The following SOX11 variants were observed in gnomAD, a reference collection of about 807,000 sequenced individuals.
SOX11 encodes the protein transcription factor SOX-11.
A neutral mutation model predicts 16.7 loss-of-function variants in SOX11; 5 were observed. The observed-to-expected ratio is 0.30, with a 90% CI of 0.16 to 0.63. The LOEUF is 0.63. Ranked by LOEUF, SOX11 falls within the 20% of genes least tolerant of loss-of-function variation. The pLI is 0.82. For synonymous variants in SOX11, 363 were observed against 298.8 expected (o/e 1.21, Z -2.22); for missense variants, 492 against 641.5 (o/e 0.77, Z 2.52).
chr2:5,697,904 A>G lies in SOX11; in HGVS notation c.*3857A>G, dbSNP rs1665770396. On this transcript the variant is annotated 3_prime_UTR_variant, in exon 1 of 1. Coordinates refer to ENST00000322002, the MANE Select transcript of SOX11 (RefSeq NM_003108.4). ...TGATCTATGTATTTTGAAAGCCTGA[A>G]AACTTGGCATGTCTTTTCTGTTTTA... is the stretch of plus-strand genomic sequence containing the variant. The G allele has an allele frequency of 6.0e-6, 1 of 167,116 alleles. No individual in the cohort carries two copies. The highest frequency in any genetic ancestry group is 2.1e-4 in the South Asian group (1 of 4,828). 10.4% of individuals were successfully genotyped at this position (167,116 alleles called of 1,614,324 possible).
chr2:5,693,645 C>T lies in SOX11; in HGVS notation c.924C>T (p.Gly308=). 1.9e-6 allele frequency: 3 copies of T among 1,587,502 alleles called. No individual in the cohort carries two copies. Among genetic ancestry groups the T allele is most frequent in the South Asian group, 1.1e-5 (1 of 89,584 alleles). ...RAGATSGAGG[G]SRLYYSFKNI... ...GCGCGACCTCGGGCGCCGGGGGCGG[C>T]AGCCGCCTCTACTACAGCTTCAAGA... is the stretch of plus-strand genomic sequence containing the variant. Residue 308 remains glycine (G), a synonymous_variant, in exon 1 of 1, where the codon GGC becomes GGT. Transcript: ENST00000322002. The surrounding 1 kb of genome is among the most constrained non-coding windows in gnomAD (Gnocchi z 8.6).
chr2:5,693,181 G>A lies in SOX11; in HGVS notation c.460G>A (p.Ala154Thr). 1 of 1,551,132 alleles carries A rather than the reference G, an allele frequency of 6.4e-7. No individual in the cohort carries two copies. The highest frequency in any genetic ancestry group is 8.7e-7 in the Non-Finnish European group (1 of 1,151,486). The change falls in exon 1 of 1, where the codon GCG becomes ACG. Residue 154 changes from alanine to threonine, a missense_variant. By Grantham distance (58) the Ala-to-Thr change is moderately conservative. Coordinates refer to ENST00000322002, the MANE Select transcript of SOX11 (RefSeq NM_003108.4). This position sits in a 1 kb window ranked among gnomAD's most constrained non-coding sequence, Gnocchi z 8.6. The stretch of plus-strand genomic sequence containing the variant: ...CGGCGGCGGGAGCGCGGGCGGAGGC[G>A]CGGGCGGTGCCAAGACCTCCAAGGG... ...GGGGGSAGGG[A>T]GGAKTSKGSS...
Position 5,697,483 on chromosome 2 carries a change from A to G in SOX11, c.*3436A>G, listed in dbSNP as rs1165402527. 4 of 47,622 alleles carry G rather than the reference A, an allele frequency of 8.4e-5. No individual in the cohort carries two copies. The highest frequency in any genetic ancestry group is 4.0e-4 in the African/African-American group (4 of 9,914). The allele number at this position is 47,622 out of a possible 1,614,324, so 2.9% of individuals were successfully genotyped here. ...CCCCGACTGAGAACTCGGGCCTCTC[A>G]CCCGCCCCCCAGCCTCCCGCTCTGG... On this transcript the variant is annotated 3_prime_UTR_variant, in exon 1 of 1. Coordinates refer to ENST00000322002, the MANE Select transcript of SOX11 (RefSeq NM_003108.4).
rs915099973 is a variant in SOX11, at chr2:5,698,688, T to C, written c.*4641T>C. ...TCCTTTAGCTAGAGAAAGAAATCATTACAACTCTTTTGGGCAGAGATGTTT... is the reference window on the plus strand; with the variant it reads ...TCCTTTAGCTAGAGAAAGAAATCATCACAACTCTTTTGGGCAGAGATGTTT... On this transcript the variant is annotated 3_prime_UTR_variant, in exon 1 of 1. Transcript: ENST00000322002. 6.0e-6 allele frequency: 1 copy of C among 167,154 alleles called. No individual in the cohort carries two copies. Among genetic ancestry groups the C allele is most frequent in the Non-Finnish European group, 1.5e-5 (1 of 68,134 alleles). 10.4% of individuals were successfully genotyped at this position (167,154 alleles called of 1,614,324 possible). A position where few individuals can be genotyped will look rare whatever the true frequency, so the allele number is the denominator to read the frequency against.
In SOX11 at chr2:5,694,226, C is replaced by A; in HGVS notation, c.*179C>A. 1.3e-6 allele frequency: 1 copy of A among 795,534 alleles called. No individual in the cohort carries two copies. 49.3% of individuals were successfully genotyped at this position (795,534 alleles called of 1,614,324 possible). ...ATGATATTGATAAGATGTCGTGACG[C>A]AAAGAAATTGGAAAACATGATGAAA... On this transcript the variant is annotated 3_prime_UTR_variant, in exon 1 of 1. Coordinates refer to ENST00000322002, the MANE Select transcript of SOX11 (RefSeq NM_003108.4).
In SOX11 at chr2:5,696,793, G is replaced by T; in HGVS notation, c.*2746G>T. Reference sequence around the variant, plus strand: ...CGGGGAGCAGGCGGCTGCCGCACCCGCGCACCCCGGGCCCTCACCACGCCC... The same window carrying T: ...CGGGGAGCAGGCGGCTGCCGCACCCTCGCACCCCGGGCCCTCACCACGCCC... On this transcript the variant is annotated 3_prime_UTR_variant, in exon 1 of 1. Transcript: ENST00000322002. 6.5e-6 allele frequency: 1 copy of T among 153,298 alleles called. No homozygotes were observed. 9.5% of individuals were successfully genotyped at this position (153,298 alleles called of 1,614,324 possible). A position where few individuals can be genotyped will look rare whatever the true frequency, so the allele number is the denominator to read the frequency against.
rs1665736606 is a variant in SOX11 at position 5,696,756 on chromosome 2, A to G, written c.*2709A>G. 6.6e-6 allele frequency: 1 copy of G among 151,964 alleles called. No homozygotes were observed. The highest frequency in any genetic ancestry group is 1.5e-5 in the Non-Finnish European group (1 of 67,872). 9.4% of individuals were successfully genotyped at this position (151,964 alleles called of 1,614,324 possible). ...GCCTCGGGGCTGCGGGGTGAGAGGA[A>G]GAAAGCAAACCCGGGGAGCAGGCGG... is the stretch of plus-strand genomic sequence containing the variant. On this transcript the variant is annotated 3_prime_UTR_variant, in exon 1 of 1. Transcript: ENST00000322002.
chr2:5,697,189 G>A lies in SOX11; in HGVS notation c.*3142G>A, dbSNP rs1477695529. The A allele has an allele frequency of 6.0e-6, 1 of 166,408 alleles. No individual in the cohort carries two copies. Among genetic ancestry groups the A allele is most frequent in the African/African-American group, 2.4e-5 (1 of 41,464 alleles). The allele number at this position is 166,408 out of a possible 1,614,324, so 10.3% of individuals were successfully genotyped here. ...CTCGGGGCCCAGCGTGCCAGCCCCG[G>A]AGTTCAGCCTCCCGAGCTGCGGCGC... On this transcript the variant is annotated 3_prime_UTR_variant, in exon 1 of 1. Coordinates refer to ENST00000322002, the MANE Select transcript of SOX11 (RefSeq NM_003108.4).
chr2:5,693,521 T>A lies in SOX11; in HGVS notation c.800T>A (p.Leu267Gln), dbSNP rs762321557. Residue 267 changes from leucine (L) to glutamine (Q), a missense_variant, in exon 1 of 1, where the codon CTG becomes CAG. Coordinates refer to ENST00000322002, the MANE Select transcript of SOX11 (RefSeq NM_003108.4). This position sits in a 1 kb window ranked among gnomAD's most constrained non-coding sequence, Gnocchi z 8.6. ...QPPGQQPSQL[L>Q]RRYNVAKVPA... ...CCGGGGCAGCAGCCGTCGCAGCTGC[T>A]GAGACGCTACAACGTCGCCAAAGTG... The A allele has an allele frequency of 6.4e-7, 1 of 1,573,114 alleles. No homozygotes were observed. The highest frequency in any genetic ancestry group is 8.6e-7 in the Non-Finnish European group (1 of 1,166,890).
rs1300906999 is a variant in SOX11, at chr2:5,697,324, G to A, written c.*3277G>A. On this transcript the variant is annotated 3_prime_UTR_variant, in exon 1 of 1. Coordinates refer to ENST00000322002, the MANE Select transcript of SOX11 (RefSeq NM_003108.4). ...AGGTTTGGCCTTCCATTTTTACTGAGATTTGGCGAGACCGAATGGAAGCGT... is the reference window on the plus strand; with the variant it reads ...AGGTTTGGCCTTCCATTTTTACTGAAATTTGGCGAGACCGAATGGAAGCGT... 1 of 167,098 alleles carries A rather than the reference G, an allele frequency of 6.0e-6. No individual in the cohort carries two copies. The highest frequency in any genetic ancestry group is 1.5e-5 in the Non-Finnish European group (1 of 68,160). The allele number at this position is 167,098 out of a possible 1,614,324, so 10.4% of individuals were successfully genotyped here.
rs1665706128 is a variant in SOX11 at position 5,695,121 on chromosome 2, G to A, written c.*1074G>A. ...TTTTTTTTCCTCTGTTTTTTAGCAT[G>A]CAAGTATGTTGGTACGTTATGTCCT... On this transcript the variant is annotated 3_prime_UTR_variant, in exon 1 of 1. Coordinates refer to ENST00000322002, the MANE Select transcript of SOX11 (RefSeq NM_003108.4). 6.0e-6 allele frequency: 1 copy of A among 165,880 alleles called. No individual in the cohort carries two copies. The highest frequency in any genetic ancestry group is 1.5e-5 in the Non-Finnish European group (1 of 67,920). 10.3% of individuals were successfully genotyped at this position (165,880 alleles called of 1,614,324 possible).
In SOX11 at chr2:5,697,669, C is replaced by T. The variant is rs1026285569; in HGVS notation, c.*3622C>T. 3.0e-5 allele frequency: 5 copies of T among 167,136 alleles called. No individual in the cohort carries two copies. The highest frequency in any genetic ancestry group is 6.5e-5 in the Admixed American group (1 of 15,294). 10.4% of individuals were successfully genotyped at this position (167,136 alleles called of 1,614,324 possible). ...GGGCTGATGGCGTTAACCAGGTTCT[C>T]AATATAGAACTGGATTTCTGGAGTT... On this transcript the variant is annotated 3_prime_UTR_variant, in exon 1 of 1. Transcript: ENST00000322002.
Position 5,698,011 on chromosome 2 carries a change from TG to T in SOX11, c.*3967del, listed in dbSNP as rs771500020. 5.8e-4 allele frequency: 95 copies of T among 163,386 alleles called. No individual in the cohort carries two copies. The highest frequency in any genetic ancestry group is 9.0e-4 in the Admixed American group (13 of 14,482). 10.1% of individuals were successfully genotyped at this position (163,386 alleles called of 1,614,324 possible). On this transcript the variant is annotated 3_prime_UTR_variant, in exon 1 of 1. Coordinates refer to ENST00000322002, the MANE Select transcript of SOX11 (RefSeq NM_003108.4). Reference sequence around the variant, plus strand: ...GTAAAGTAATAATTTGGCTTCAGAATGGGAAGAGATAGTCAAGATTTTTTTT... The same window carrying T: ...GTAAAGTAATAATTTGGCTTCAGAATGGAAGAGATAGTCAAGATTTTTTTT...
Position 5,694,138 on chromosome 2 carries a change from A to G in SOX11, c.*91A>G, listed in dbSNP as rs1009181530. ...AGTGGTGATGATGATGATGATAATGATGATGATGATGGTGGTGTTGATGGT... is the reference window on the plus strand; with the variant it reads ...AGTGGTGATGATGATGATGATAATGGTGATGATGATGGTGGTGTTGATGGT... On this transcript the variant is annotated 3_prime_UTR_variant, in exon 1 of 1. Coordinates refer to ENST00000322002, the MANE Select transcript of SOX11 (RefSeq NM_003108.4). The G allele has an allele frequency of 8.9e-5, 128 of 1,434,908 alleles. No homozygotes were observed. The highest frequency in any genetic ancestry group is 1.1e-4 in the Non-Finnish European group (123 of 1,079,944). 88.9% of individuals were successfully genotyped at this position (1,434,908 alleles called of 1,614,324 possible). A position where few individuals can be genotyped will look rare whatever the true frequency, so the allele number is the denominator to read the frequency against.
rs1011663858 is a variant in SOX11, at chr2:5,698,126, C to G, written c.*4079C>G. ...AAAACCTGTTAGAACTCAGGACAGGCGCTTCAATGCGCTTTTTAACAATAT... is the reference window on the plus strand; with the variant it reads ...AAAACCTGTTAGAACTCAGGACAGGGGCTTCAATGCGCTTTTTAACAATAT... On this transcript the variant is annotated 3_prime_UTR_variant, in exon 1 of 1. Transcript: ENST00000322002. 6.0e-6 allele frequency: 1 copy of G among 166,996 alleles called. No individual in the cohort carries two copies. Among genetic ancestry groups the G allele is most frequent in the African/African-American group, 2.4e-5 (1 of 41,430 alleles). 10.3% of individuals were successfully genotyped at this position (166,996 alleles called of 1,614,324 possible).
Position 5,693,942 on chromosome 2 carries a change from G to A in SOX11, c.1221G>A (p.Leu407=). 1 of 1,551,602 alleles carries A rather than the reference G, an allele frequency of 6.4e-7. No homozygotes were observed. Among genetic ancestry groups the A allele is most frequent in the Non-Finnish European group, 8.7e-7 (1 of 1,147,014 alleles). ...KDLDSFSEGS[L]GSHFEFPDYC... Reference sequence around the variant, plus strand: ...TGGATTCGTTCAGCGAGGGCAGCCTGGGCTCCCACTTCGAGTTCCCCGACT... The same window carrying A: ...TGGATTCGTTCAGCGAGGGCAGCCTAGGCTCCCACTTCGAGTTCCCCGACT... Residue 407 remains leucine (L), a synonymous_variant, in exon 1 of 1, where the codon CTG becomes CTA. Transcript: ENST00000322002. The surrounding 1 kb of genome is among the most constrained non-coding windows in gnomAD (Gnocchi z 8.6).
At position 5,694,113 on chromosome 2, in the gene SOX11, A is replaced by AGTG. The variant is rs1265066381; in HGVS notation, c.*70_*72dup. On this transcript the variant is annotated 3_prime_UTR_variant, in exon 1 of 1. Transcript: ENST00000322002. The stretch of plus-strand genomic sequence containing the variant: ...GCTGGGTTCCTTGGGAGGAAGTTGT[A>AGTG]GTGGTGATGATGATGATGATAATGA... The AGTG allele has an allele frequency of 1.8e-5, 26 of 1,450,662 alleles. 1 individual carries two copies. The highest frequency in any genetic ancestry group is 1.0e-4 in the Admixed American group (4 of 38,992). 89.9% of individuals were successfully genotyped at this position (1,450,662 alleles called of 1,614,324 possible). A position where few individuals can be genotyped will look rare whatever the true frequency, so the allele number is the denominator to read the frequency against.
rs199642097 is a variant in SOX11 at position 5,694,786 on chromosome 2, C to CAA, written c.*749_*750dup. 2.4e-4 allele frequency: 28 copies of CAA among 115,660 alleles called. No individual in the cohort carries two copies. The highest frequency in any genetic ancestry group is 6.2e-4 in the African/African-American group (18 of 28,942). The allele number at this position is 115,660 out of a possible 1,614,324, so 7.2% of individuals were successfully genotyped here. A position where few individuals can be genotyped will look rare whatever the true frequency, so the allele number is the denominator to read the frequency against. On this transcript the variant is annotated 3_prime_UTR_variant, in exon 1 of 1. Coordinates refer to ENST00000322002, the MANE Select transcript of SOX11 (RefSeq NM_003108.4). ...AAAATGCAGACTGTACAAACGCTTA[C>CAA]AAAAAAAAAAACTGTGAACTGACTT...
chr2:5,692,676 C>G lies in SOX11; in HGVS notation c.-46C>G, dbSNP rs760825330. 13 of 1,487,260 alleles carry G rather than the reference C, an allele frequency of 8.7e-6. No homozygotes were observed. The highest frequency in any genetic ancestry group is 1.1e-5 in the Non-Finnish European group (12 of 1,109,770). 92.1% of individuals were successfully genotyped at this position (1,487,260 alleles called of 1,614,324 possible). The stretch of plus-strand genomic sequence containing the variant: ...TGGGAGGGGGAGGGGGACCTCCGCA[C>G]GAGACCCAGCGGCCCGGGTTGGAGC... On this transcript the variant is annotated 5_prime_UTR_variant, in exon 1 of 1. Transcript: ENST00000322002.
Sources: gnomAD v4.1 joint callset for allele counts on GRCh38, gnomAD v4.1.1 for gene constraint, Gnocchi (gnomAD v3.1) non-coding constraint, MANE v1.5 for transcripts, NCBI Gene and HGNC (gene_info 2026-07-23, HGNC 2026-07-21) for gene names.